WWOX: variants seen among roughly 807,000 people sequenced by gnomAD.
The protein encoded by WWOX is WW domain-containing oxidoreductase.
A neutral mutation model predicts 46.2 loss-of-function variants in WWOX; 69 were observed. The ratio of observed to expected loss-of-function variants is 1.49; its 90% confidence interval spans 1.23 to 1.82. The LOEUF is 1.82. Ranked by LOEUF, WWOX falls within the 40% of genes most tolerant of loss-of-function variation. WWOX has a pLI of 0.00. For synonymous variants in WWOX, 359 were observed against 202.6 expected (o/e 1.77, Z -6.56); for missense variants, 919 against 542.6 (o/e 1.69, Z -6.89).
chr16:78,782,709 A>G (rs1330674287), intron 8 of WWOX, among the ~76,000 whole-genome samples: 1 of 131,308 alleles, frequency 7.6e-6, no homozygotes, highest in Non-Finnish European at 1.6e-5. Flanking sequence ...TGATCATACT[A>G]TATATGCAAT....
At chr16:78,647,622 A>T (rs941926726) in intron 8 of WWOX, among the ~76,000 whole-genome samples, 4 of 152,150 alleles carry the variant, frequency 2.6e-5, no homozygotes, top group African/African-American at 9.7e-5. Flanking sequence ...AACAGCTACC[A>T]TTTCCTGAGG....
intron 8 of WWOX, among the ~76,000 whole-genome samples, chr16:78,606,194 A>G (rs1226331520): frequency 6.6e-6 from 1 of 152,214 alleles, no homozygotes; most frequent in African/African-American, 2.4e-5. Context: ...AACTTAATAT[A>G]ATTAATGTAA....
intron 8 of WWOX, among the ~76,000 whole-genome samples, chr16:79,042,727 G>GGTTTT (rs1555517204): frequency 1.7e-5 from 1 of 60,274 alleles, no homozygotes; most frequent in Admixed American, 2.0e-4. Flanking sequence ...GAATACTCAG[G>GGTTTT]GTTTTTTTTT....
At chr16:78,156,167 T>A (rs1341366414) in intron 4 of WWOX, among the ~76,000 whole-genome samples, 1 of 152,218 alleles carries the variant, frequency 6.6e-6, no homozygotes, top group Non-Finnish European at 1.5e-5. Context: ...CAGTCAGGAA[T>A]TCTCTAAAGG....
At chr16:78,462,301 T>C (rs924881215) in intron 8 of WWOX, among the ~76,000 whole-genome samples, 4 of 152,106 alleles carry the variant, frequency 2.6e-5, no homozygotes, top group Admixed American at 1.3e-4. Context: ...AAGTCTGTGA[T>C]TGATCTTTTA....
At chr16:78,329,579 T>C (rs988044652) in intron 5 of WWOX, among the ~76,000 whole-genome samples, 2 of 152,214 alleles carry the variant, frequency 1.3e-5, no homozygotes, top group Non-Finnish European at 2.9e-5. Context: ...CTTTGTGGCA[T>C]CTGGCAATGT....
intron 5 of WWOX, among the ~76,000 whole-genome samples, chr16:78,384,969 A>T (rs2151932498): frequency 6.6e-6 from 1 of 152,226 alleles, no homozygotes; most frequent in South Asian, 2.1e-4. Context: ...CCCCGTCTGT[A>T]CTGAAAATAC....
intron 8 of WWOX, chr16:78,898,021 A>T (rs949458642): frequency 6.6e-6 from 1 of 151,916 alleles, no homozygotes; most frequent in Admixed American, 6.6e-5. Context: ...AGTCTTTTTA[A>T]TATTGAATTA....
Position 78,723,147 on chromosome 16 carries a change from T to C in WWOX, c.1056+290395T>C, listed in dbSNP as rs140458296. 2.0e-5 allele frequency among the ~76,000 whole-genome samples: 3 copies of C among 152,350 alleles called. No individual in the cohort carries two copies. The East Asian group carries it at 5.8e-4, about 29-fold the overall frequency. ...AAGATCATCCCGTCAACTGCTGGCCTGCCGCTTGTGTTCGTTAATAGAACA... is the reference window on the plus strand; with the variant it reads ...AAGATCATCCCGTCAACTGCTGGCCCGCCGCTTGTGTTCGTTAATAGAACA... On this transcript the variant is annotated intron_variant, in intron 8 of 8. Coordinates refer to ENST00000566780, the MANE Select transcript of WWOX (RefSeq NM_016373.4).
At chr16:78,378,596 C>G (rs537472876) in intron 5 of WWOX, among the ~76,000 whole-genome samples, 8 of 152,308 alleles carry the variant, frequency 5.3e-5, no homozygotes, top group African/African-American at 1.9e-4. Flanking sequence ...TGAATAATGT[C>G]ATGTCAATAC....
chr16:78,710,290 G>A (rs1171451094), intron 8 of WWOX, among the ~76,000 whole-genome samples: 1 of 151,052 alleles, frequency 6.6e-6, no homozygotes, highest in Non-Finnish European at 1.5e-5. Flanking sequence ...TTAACTGCAG[G>A]GAGATTTGTC....
chr16:78,450,662 A>C (rs1390530404), intron 8 of WWOX, among the ~76,000 whole-genome samples: 1 of 152,166 alleles, frequency 6.6e-6, no homozygotes, highest in African/African-American at 2.4e-5. Flanking sequence ...TGAGTGCAAT[A>C]AGTCTGTTTT....
chr16:78,457,316 T>C (rs74500750), intron 8 of WWOX, among the ~76,000 whole-genome samples: 6,300 of 152,248 alleles, frequency 0.041, 438 homozygotes, highest in African/African-American at 0.14. Context: ...AGAAGTCTTT[T>C]CATTCAGTTC....
At chr16:78,873,324 C>G (rs924755591) in intron 8 of WWOX, 1 of 152,172 alleles carries the variant, frequency 6.6e-6, no homozygotes, top group Non-Finnish European at 1.5e-5. Context: ...GGGACTAGCT[C>G]CTATTATCAG....
chr16:78,991,224 C>G (rs147182725), intron 8 of WWOX, among the ~76,000 whole-genome samples: 3 of 152,302 alleles, frequency 2.0e-5, no homozygotes, highest in East Asian at 3.9e-4. Context: ...TCACCCTGAA[C>G]TATTTCTTGG....
At chr16:78,530,755 C>T (rs943562578) in intron 8 of WWOX, among the ~76,000 whole-genome samples, 2 of 152,172 alleles carry the variant, frequency 1.3e-5, no homozygotes, top group Non-Finnish European at 2.9e-5. Context: ...TCATTGATAC[C>T]TGCAATTCTT....
intron 5 of WWOX, among the ~76,000 whole-genome samples, chr16:78,292,116 G>A (rs2079870171): frequency 1.3e-5 from 2 of 149,756 alleles, no homozygotes; most frequent in Non-Finnish European, 3.0e-5. Flanking sequence ...GTCCAGGCTG[G>A]AGTGCAGTGG....
chr16:78,549,570 C>G (rs1042360646), intron 8 of WWOX, among the ~76,000 whole-genome samples: 3 of 152,102 alleles, frequency 2.0e-5, no homozygotes, highest in African/African-American at 7.2e-5. Flanking sequence ...TTGGCAGCAG[C>G]AAGACATGTG....
chr16:78,316,355 A>G (rs537936418), intron 5 of WWOX, among the ~76,000 whole-genome samples: 2 of 152,172 alleles, frequency 1.3e-5, no homozygotes, highest in South Asian at 2.1e-4. Context: ...TGGCCAGGGA[A>G]TTTAAAAAGG....
Sources: gnomAD v4.1 joint callset for allele counts (sites outside exome capture counted in the v4.1 genomes callset) on GRCh38, gnomAD v4.1.1 for gene constraint, MANE v1.5 for transcripts, NCBI Gene and HGNC (gene_info 2026-07-23, HGNC 2026-07-21) for gene names.